The following INO80 variants were observed in gnomAD, a reference collection of about 807,000 sequenced individuals.
The protein encoded by INO80 is chromatin-remodeling ATPase INO80.
In INO80, 20 loss-of-function variants were observed where a neutral mutation model predicts 203.4. The ratio of observed to expected loss-of-function variants is 0.10; its 90% CI spans 0.07 to 0.14. The LOEUF (loss-of-function observed/expected upper bound fraction) is 0.14. Ranked by LOEUF, INO80 falls within the 10% of genes least tolerant of loss-of-function variation. INO80 has a pLI of 1.00. For synonymous variants in INO80, 726 were observed against 685.2 expected, an observed-to-expected ratio of 1.06 and a Z score of -0.93; for missense variants, 1,419 against 1,914.4, an observed-to-expected ratio of 0.74 and a Z score of 4.83.
At chr15:41,022,840 A>G (rs1056344246) in intron 25 of INO80, among the ~76,000 whole-genome samples, 7 of 152,144 alleles carry the variant, frequency 4.6e-5, no homozygotes, top group Non-Finnish European at 1.0e-4. Flanking sequence ...GGTGGCTCAC[A>G]CCTGTAATCC....
intron 1 of INO80, among the ~76,000 whole-genome samples, chr15:41,098,534 G>A (rs1358169437): frequency 2.0e-5 from 3 of 151,906 alleles, no homozygotes; most frequent in African/African-American, 7.3e-5. Context: ...AATTAGCTGG[G>A]CATGGTGGCA....
rs149218557 is a variant in INO80 at position 41,052,153 on chromosome 15, T to A, written c.2274+1776A>T. Reference sequence around the variant, plus strand: ...AAAATCCAGTCTCAAAAAAAAAAAATTTTAAACAATGAACTATTGTTTACA... The same window carrying A: ...AAAATCCAGTCTCAAAAAAAAAAAAATTTAAACAATGAACTATTGTTTACA... On this transcript the variant is annotated intron_variant, in intron 19 of 35. Coordinates refer to ENST00000648947, the MANE Select transcript of INO80 (RefSeq NM_017553.3). 1.7e-3 allele frequency among the ~76,000 whole-genome samples: 260 copies of A among 151,360 alleles called. 1 individual carries two copies. Among genetic ancestry groups the A allele is most frequent in the Non-Finnish European group, 2.9e-3 (195 of 67,768 alleles).
intron 28 of INO80, among the ~76,000 whole-genome samples, chr15:41,001,460 A>T (rs1273589884): frequency 6.6e-6 from 1 of 152,224 alleles, no homozygotes; most frequent in Non-Finnish European, 1.5e-5. Context: ...ATGAAAGACA[A>T]CTGTGAATCT....
intron 14 of INO80, among the ~76,000 whole-genome samples, chr15:41,069,292 G>A (rs2045274329): frequency 6.7e-6 from 1 of 150,316 alleles, no homozygotes; most frequent in African/African-American, 2.5e-5. Flanking sequence ...TCAGCCTCCT[G>A]AGCAGCTGGG....
In INO80 at chr15:41,062,404, C is replaced by T. The variant is rs1355670522; in HGVS notation, c.1783-2478G>A. Among the ~76,000 whole-genome samples, 3 of 152,172 alleles carry T rather than the reference C, an allele frequency of 2.0e-5. No individual in the cohort carries two copies. The East Asian group carries it at 5.8e-4, about 29-fold the overall frequency. On this transcript the variant is annotated intron_variant, in intron 14 of 35. Coordinates refer to ENST00000648947, the MANE Select transcript of INO80 (RefSeq NM_017553.3). ...ATCACCTGAGGCCAGGAGTTCAAGACCAGCCTGGCCAACATGGCAAAACCC... is the reference window on the plus strand; with the variant it reads ...ATCACCTGAGGCCAGGAGTTCAAGATCAGCCTGGCCAACATGGCAAAACCC...
intron 31 of INO80, among the ~76,000 whole-genome samples, chr15:40,986,583 CAAAG>C (rs1483888441): frequency 2.6e-5 from 4 of 151,914 alleles, no homozygotes; most frequent in Non-Finnish European, 4.4e-5. Flanking sequence ...CTCGGCCTCC[CAAAG>C]TGCTGGGATT....
chr15:40,991,966 C>T (rs1325587613), intron 29 of INO80, among the ~76,000 whole-genome samples: 1 of 152,022 alleles, frequency 6.6e-6, no homozygotes, highest in East Asian at 1.9e-4. Context: ...TTTAGAGAGA[C>T]GGGGTTTCAC....
intron 1 of INO80, among the ~76,000 whole-genome samples, chr15:41,097,957 AAACAACAAC>A (rs769190530): frequency 3.3e-5 from 5 of 151,990 alleles, no homozygotes; most frequent in African/African-American, 4.8e-5. Context: ...CCATCTCAAA[AAACAACAAC>A]AACAACAACA....
At chr15:40,983,105 A>AAT in intron 34 of INO80, 28 bp from the exon 35 acceptor site, 1 of 1,565,350 alleles carries the variant, frequency 6.4e-7, no homozygotes, top group Non-Finnish European at 8.7e-7. Flanking sequence ...CCAAAAGGGA[A>AAT]AGAAAAAAAA....
intron 24 of INO80, among the ~76,000 whole-genome samples, chr15:41,040,154 G>C (rs2044645343): frequency 6.6e-6 from 1 of 151,932 alleles, no homozygotes; most frequent in Non-Finnish European, 1.5e-5. Context: ...GACCAGCCTG[G>C]ACACAACATA....
intron 35 of INO80, among the ~76,000 whole-genome samples, chr15:40,981,074 A>G (rs1304658951): frequency 1.3e-5 from 2 of 152,200 alleles, no homozygotes; most frequent in East Asian, 3.8e-4. Flanking sequence ...ATCCACTTAC[A>G]TGTGATAACA....
chr15:41,048,297 A>G (rs756558708), intron 21 of INO80, 21 bp from the exon 22 acceptor site: 1 of 1,585,322 alleles, frequency 6.3e-7, no homozygotes, highest in South Asian at 1.1e-5. Flanking sequence ...AGTAAATAAA[A>G]TAAAGCCAAA....
intron 19 of INO80, among the ~76,000 whole-genome samples, chr15:41,051,783 C>T (rs1018559238): frequency 6.6e-6 from 1 of 152,076 alleles, no homozygotes; most frequent in Non-Finnish European, 1.5e-5. Context: ...ATGGTGAAAC[C>T]TCATCTCTAC....
intron 24 of INO80, among the ~76,000 whole-genome samples, chr15:41,038,473 A>C (rs1188223878): frequency 1.3e-5 from 2 of 152,186 alleles, no homozygotes; most frequent in Non-Finnish European, 2.9e-5. Context: ...AAAAATCCTT[A>C]CAACTGGGCT....
chr15:41,013,083 A>AACAACC (rs1489557957), intron 27 of INO80: 1 of 151,838 alleles, frequency 6.6e-6, no homozygotes, highest in African/African-American at 2.4e-5. Flanking sequence ...TAACAACAAC[A>AACAACC]ACAACAACAA....
rs561467640 is a variant in INO80, at chr15:41,056,913, C to T, written c.1986-207G>A. Among the ~76,000 whole-genome samples, 3 of 152,190 alleles carry T rather than the reference C, an allele frequency of 2.0e-5. No homozygotes were observed. The East Asian group carries it at 5.8e-4, about 29-fold the overall frequency. ...AAATGAGTCCTCTCTACTGAAAACA[C>T]GGTATTTGGATTTAGAAAAAAATAG... On this transcript the variant is annotated intron_variant, in intron 16 of 35. Coordinates refer to ENST00000648947, the MANE Select transcript of INO80 (RefSeq NM_017553.3).
At chr15:40,998,983 T>TACACACACACACACACACACACACACAC (rs10650860) in intron 28 of INO80, among the ~76,000 whole-genome samples, 16 of 140,436 alleles carry the variant, frequency 1.1e-4, no homozygotes, top group African/African-American at 4.3e-4. Flanking sequence ...AAGATTTATC[T>TACACACACACACACACACACACACACAC]ACACACACAC....
chr15:41,044,881 T>C, intron 24 of INO80, 23 bp downstream of exon 24: 1 of 1,578,054 alleles, frequency 6.3e-7, no homozygotes, highest in Non-Finnish European at 8.6e-7. Flanking sequence ...AAGTAGGTAA[T>C]TTATGCTCAA....
At chr15:41,044,756 A>AG (rs1405434343) in intron 24 of INO80, 148 bp downstream of exon 24, 47 of 611,008 alleles carry the variant, frequency 7.7e-5, no homozygotes, top group Non-Finnish European at 2.5e-5. Flanking sequence ...GTGTAAATTA[A>AG]GTTAGAACTC....
Sources: allele counts gnomAD v4.1 joint callset (sites outside exome capture counted in the v4.1 genomes callset), GRCh38; gene constraint gnomAD v4.1.1; transcripts MANE v1.5; gene names NCBI Gene and HGNC (gene_info 2026-07-23, HGNC 2026-07-21).